Variants in LSAMP observed in about 807,000 individuals in gnomAD.
LSAMP encodes the protein limbic system-associated membrane protein.
Under a neutral mutation model 38.6 loss-of-function variants are expected in LSAMP, and 7 were observed. That is an observed-to-expected ratio of 0.18 (90% CI 0.10 to 0.34). LSAMP has a LOEUF of 0.34. Ranked by LOEUF, LSAMP falls within the 10% of genes least tolerant of loss-of-function variation. The pLI, the probability that LSAMP is intolerant of heterozygous loss-of-function variation, is 1.00. For synonymous variants in LSAMP, 154 were observed against 166.8 expected (o/e 0.92, Z 0.59); for missense variants, 313 against 420.0 (o/e 0.75, Z 2.23).
intron 1 of LSAMP, among the ~76,000 whole-genome samples, chr3:116,403,605 T>A (rs1387356704): frequency 3.3e-5 from 5 of 152,186 alleles, no homozygotes; most frequent in Non-Finnish European, 7.4e-5. Context: ...AATAATTCTG[T>A]GTGCTCTCAA....
chr3:116,350,798 A>G (rs1448512384), intron 1 of LSAMP, among the ~76,000 whole-genome samples: 3 of 152,008 alleles, frequency 2.0e-5, no homozygotes, highest in Admixed American at 1.3e-4. Context: ...TATGGTAAGA[A>G]AAAATCTTCT....
intron 3 of LSAMP, among the ~76,000 whole-genome samples, chr3:115,975,193 A>C (rs186460066): frequency 1.3e-5 from 2 of 152,256 alleles, no homozygotes; most frequent in South Asian, 2.1e-4. Flanking sequence ...CCTGAGGCAG[A>C]TGGATGGCTT....
intron 1 of LSAMP, among the ~76,000 whole-genome samples, chr3:116,309,024 C>G (rs2047522205): frequency 6.6e-6 from 1 of 152,000 alleles, no homozygotes; most frequent in African/African-American, 2.4e-5. Context: ...TACAGCAAGG[C>G]AGTTGGAAAG....
intron 3 of LSAMP, among the ~76,000 whole-genome samples, chr3:115,875,985 C>T (rs1936170332): frequency 6.6e-6 from 1 of 151,988 alleles, no homozygotes; most frequent in South Asian, 2.1e-4. Context: ...CTTCCACAAA[C>T]AGGTAATTGA....
intron 1 of LSAMP, among the ~76,000 whole-genome samples, chr3:116,270,375 T>C (rs2046955237): frequency 6.6e-6 from 1 of 151,998 alleles, no homozygotes; most frequent in Admixed American, 6.6e-5. Context: ...TCAAGCAGGG[T>C]TGTCTGGAAT....
chr3:116,179,644 G>GT (rs1280416003), intron 1 of LSAMP, among the ~76,000 whole-genome samples: 1 of 152,014 alleles, frequency 6.6e-6, no homozygotes, highest in African/African-American at 2.4e-5. Flanking sequence ...GAAGGGGGAG[G>GT]TGATACACAC....
At chr3:116,385,734 A>G (rs528064768) in intron 1 of LSAMP, among the ~76,000 whole-genome samples, 4 of 152,250 alleles carry the variant, frequency 2.6e-5, no homozygotes, top group African/African-American at 9.6e-5. Context: ...CTGTCTAGTT[A>G]CCATTTGGGA....
intron 1 of LSAMP, among the ~76,000 whole-genome samples, chr3:116,367,495 CTTT>C (rs751600891): frequency 1.6e-4 from 21 of 133,342 alleles, no homozygotes; most frequent in Admixed American, 2.3e-4. Flanking sequence ...TATTTTCTTC[CTTT>C]TTTTTTTTTT....
At chr3:116,221,150 CAAAAA>C (rs71141862) in intron 1 of LSAMP, among the ~76,000 whole-genome samples, 1 of 53,186 alleles carries the variant, frequency 1.9e-5, no homozygotes, top group Non-Finnish European at 3.2e-5. Flanking sequence ...GACTCTGTCT[CAAAAA>C]AAAAAAAAAA....
rs144244186 is a variant in LSAMP, at chr3:116,312,181, C to T, written c.155+132696G>A. Among the ~76,000 whole-genome samples, 722 of 152,296 alleles carry T rather than the reference C, an allele frequency of 4.7e-3. 4 individuals carry two copies. The highest frequency in any genetic ancestry group is 0.016 in the African/African-American group (684 of 41,566). ...TTCGCATGTACTCCCACATTTTCCT[C>T]TCTTTATTCCCCTCCCCCAACAAAT... On this transcript the variant is annotated intron_variant, in intron 1 of 6. Coordinates refer to ENST00000490035, the MANE Select transcript of LSAMP (RefSeq NM_002338.5).
chr3:115,850,048 T>C (rs1935280467), intron 4 of LSAMP, among the ~76,000 whole-genome samples: 1 of 152,232 alleles, frequency 6.6e-6, no homozygotes, highest in Non-Finnish European at 1.5e-5. Context: ...TCATTATAGT[T>C]TTCCATATAA....
intron 1 of LSAMP, among the ~76,000 whole-genome samples, chr3:116,437,265 G>A (rs377302772): frequency 6.6e-6 from 1 of 151,916 alleles, no homozygotes; most frequent in Non-Finnish European, 1.5e-5. Context: ...TTGGGGGAAG[G>A]GGGGCGAGGA....
intron 3 of LSAMP, among the ~76,000 whole-genome samples, chr3:115,908,969 C>T (rs1937075706): frequency 6.6e-6 from 1 of 152,158 alleles, no homozygotes; most frequent in Non-Finnish European, 1.5e-5. Flanking sequence ...TCTTGTATCC[C>T]ATGATCATGT....
intron 3 of LSAMP, among the ~76,000 whole-genome samples, chr3:116,004,539 C>T (rs952259076): frequency 6.1e-5 from 8 of 131,550 alleles, no homozygotes; most frequent in Admixed American, 2.3e-4. Context: ...TATATATACA[C>T]ACACACACGT....
chr3:116,168,596 T>A (rs182431631), intron 1 of LSAMP, among the ~76,000 whole-genome samples: 13 of 152,282 alleles, frequency 8.5e-5, no homozygotes, highest in Admixed American at 8.5e-4. Context: ...TCCTAACTTA[T>A]GGAGTTCTGA....
At chr3:116,147,911 G>A (rs116245398) in intron 1 of LSAMP, among the ~76,000 whole-genome samples, 182 of 151,928 alleles carry the variant, frequency 1.2e-3, no homozygotes, top group Non-Finnish European at 2.1e-3. Context: ...CATTCTTTTC[G>A]TCTGGGTCTA....
chr3:116,222,340 G>C (rs532379984), intron 1 of LSAMP, among the ~76,000 whole-genome samples: 1 of 150,810 alleles, frequency 6.6e-6, no homozygotes, highest in South Asian at 2.1e-4. Context: ...TGGGTTGACA[G>C]TTGCTTGCCA....
At chr3:116,192,573 G>C (rs1371196214) in intron 1 of LSAMP, among the ~76,000 whole-genome samples, 2 of 152,168 alleles carry the variant, frequency 1.3e-5, no homozygotes, top group Non-Finnish European at 2.9e-5. Context: ...TGAGATTAGA[G>C]AGAATAAGTT....
intron 3 of LSAMP, among the ~76,000 whole-genome samples, chr3:115,887,792 G>T (rs945250316): frequency 1.8e-4 from 27 of 151,828 alleles, no homozygotes; most frequent in African/African-American, 6.0e-4. Flanking sequence ...TTTAGAGCAG[G>T]CGACCTTGGG....
Sources: gnomAD v4.1 joint callset for allele counts (sites outside exome capture counted in the v4.1 genomes callset) on GRCh38, gnomAD v4.1.1 for gene constraint, MANE v1.5 for transcripts, NCBI Gene and HGNC (gene_info 2026-07-23, HGNC 2026-07-21) for gene names.